Variants in PRKCB observed in about 807,000 individuals in gnomAD.
The protein encoded by PRKCB is protein kinase C beta, also known as protein kinase C beta type.
In PRKCB, 13 loss-of-function variants were observed where a neutral mutation model predicts 81.5. The observed-to-expected ratio is 0.16, with a 90% CI of 0.10 to 0.25. The LOEUF (loss-of-function observed/expected upper bound fraction) is 0.25, where lower values mean the gene tolerates loss of function less well. Ranked by LOEUF, PRKCB falls within the 10% of genes least tolerant of loss-of-function variation. The pLI is 1.00. For synonymous variants in PRKCB, 335 were observed against 321.4 expected (o/e 1.04, Z -0.45); for missense variants, 509 against 875.7 (o/e 0.58, Z 5.29).
intron 3 of PRKCB, among the ~76,000 whole-genome samples, chr16:23,992,136 GA>G (rs1964893928): frequency 6.6e-6 from 1 of 152,212 alleles, no homozygotes; most frequent in South Asian, 2.1e-4. Flanking sequence ...ACTGGAGACC[GA>G]ATCTTCCAGT....
At chr16:24,122,395 C>G (rs1225094460) in intron 8 of PRKCB, among the ~76,000 whole-genome samples, 1 of 149,076 alleles carries the variant, frequency 6.7e-6, no homozygotes, top group Non-Finnish European at 1.5e-5. Flanking sequence ...TATGACTTAA[C>G]TGATGTATTC....
chr16:24,186,169 G>A (rs893974838), intron 15 of PRKCB, among the ~76,000 whole-genome samples: 1 of 152,142 alleles, frequency 6.6e-6, no homozygotes, highest in East Asian at 1.9e-4. Context: ...AGCAGGATGT[G>A]TGTTTATGGG....
chr16:23,876,027 A>G (rs74012480), intron 2 of PRKCB, among the ~76,000 whole-genome samples: 2,183 of 152,266 alleles, frequency 0.014, 41 homozygotes, highest in African/African-American at 0.05. Context: ...GCCGGGCCCC[A>G]TAGGCGTTTA....
At chr16:24,074,459 T>G (rs1013160871) in intron 5 of PRKCB, among the ~76,000 whole-genome samples, 3 of 152,220 alleles carry the variant, frequency 2.0e-5, no homozygotes, top group Admixed American at 6.5e-5. Flanking sequence ...CTTGTAAGGA[T>G]TCAATGAGAT....
intron 2 of PRKCB, among the ~76,000 whole-genome samples, chr16:23,841,035 G>A (rs1962254488): frequency 6.6e-6 from 1 of 152,078 alleles, no homozygotes; most frequent in African/African-American, 2.4e-5. Context: ...CCTTTGACAA[G>A]CAAGGCAGAT....
chr16:24,134,145 G>T (rs541224860), intron 9 of PRKCB, among the ~76,000 whole-genome samples: 1 of 152,222 alleles, frequency 6.6e-6, no homozygotes, highest in Admixed American at 6.5e-5. Flanking sequence ...GAATCCTCCT[G>T]CCTTGACCTC....
At chr16:24,200,066 G>A (rs564356424) in intron 16 of PRKCB, among the ~76,000 whole-genome samples, 5 of 152,184 alleles carry the variant, frequency 3.3e-5, no homozygotes, top group East Asian at 1.9e-4. Context: ...TTTATAATTC[G>A]TTGTCAGGAT....
At position 24,219,967 on chromosome 16, in the gene PRKCB, A is replaced by C. The variant is rs1194130408; in HGVS notation, c.*5151A>C. 6.2e-7 allele frequency: 1 copy of C among 1,613,890 alleles called. No individual in the cohort carries two copies. The highest frequency in any genetic ancestry group is 8.5e-7 in the Non-Finnish European group (1 of 1,179,984). ...TTTACTTTCCATTTGGCAGAGAGACAAGAGAGACACCTCCAACTTCGACAA... is the reference window on the plus strand; with the variant it reads ...TTTACTTTCCATTTGGCAGAGAGACCAGAGAGACACCTCCAACTTCGACAA... On this transcript the variant is annotated 3_prime_UTR_variant, in exon 17 of 17. Transcript: ENST00000643927.
intron 9 of PRKCB, among the ~76,000 whole-genome samples, chr16:24,131,991 C>A (rs1483102212): frequency 6.6e-6 from 1 of 152,168 alleles, no homozygotes; most frequent in Non-Finnish European, 1.5e-5. Flanking sequence ...ATATCCTTTC[C>A]TTCAAATAAG....
At chr16:24,206,124 C>T (rs888697509) in intron 16 of PRKCB, among the ~76,000 whole-genome samples, 3 of 152,178 alleles carry the variant, frequency 2.0e-5, no homozygotes, top group Non-Finnish European at 4.4e-5. Context: ...TAAAAGATCC[C>T]TGATTGTAAG....
chr16:24,009,591 A>ATTT (rs143129853), intron 3 of PRKCB, among the ~76,000 whole-genome samples: 3,731 of 148,184 alleles, frequency 0.025, 161 homozygotes, highest in African/African-American at 0.086. Context: ...CGCCCGGCCT[A>ATTT]TTTTTTTTTT....
chr16:24,132,399 T>G (rs1400094786), intron 9 of PRKCB, among the ~76,000 whole-genome samples: 1 of 152,240 alleles, frequency 6.6e-6, no homozygotes, highest in African/African-American at 2.4e-5. Flanking sequence ...GATTCATTCA[T>G]TCAAGAAGTA....
chr16:24,055,467 G>C (rs1342566927), intron 5 of PRKCB, among the ~76,000 whole-genome samples: 3 of 152,194 alleles, frequency 2.0e-5, no homozygotes, highest in Non-Finnish European at 2.9e-5. Context: ...CTTTCACGTC[G>C]GCTTCTCTGG....
At chr16:24,130,691 C>T (rs1017358250) in intron 9 of PRKCB, among the ~76,000 whole-genome samples, 4 of 152,196 alleles carry the variant, frequency 2.6e-5, no homozygotes, top group South Asian at 2.1e-4. Flanking sequence ...AGGTGTCTTT[C>T]GTCCTGTATG....
chr16:24,003,325 A>G (rs1020511927), intron 3 of PRKCB, among the ~76,000 whole-genome samples: 1 of 151,610 alleles, frequency 6.6e-6, no homozygotes, highest in Non-Finnish European at 1.5e-5. Context: ...AAACATCGTT[A>G]CAGTTGACCC....
chr16:23,839,743 CCTT>C (rs1483057736), intron 2 of PRKCB, among the ~76,000 whole-genome samples: 1 of 152,204 alleles, frequency 6.6e-6, no homozygotes, highest in African/African-American at 2.4e-5. Context: ...ATTTCAGCCT[CCTT>C]GTCTATAAAA....
intron 2 of PRKCB, among the ~76,000 whole-genome samples, chr16:23,845,456 T>G (rs1962351715): frequency 6.6e-6 from 1 of 152,074 alleles, no homozygotes; most frequent in Non-Finnish European, 1.5e-5. Flanking sequence ...GCTAAAAATC[T>G]GTATTGTAAA....
At chr16:24,029,959 T>G (rs1965531172) in intron 3 of PRKCB, among the ~76,000 whole-genome samples, 2 of 152,160 alleles carry the variant, frequency 1.3e-5, no homozygotes, top group South Asian at 4.1e-4. Flanking sequence ...AGTGCAGTGA[T>G]GCAATCATAG....
At chr16:24,035,007 T>A (rs1965595728) in intron 4 of PRKCB, among the ~76,000 whole-genome samples, 2 of 152,150 alleles carry the variant, frequency 1.3e-5, no homozygotes. Flanking sequence ...CCTGCATACG[T>A]TGAGAAATGG....
Sources: allele counts gnomAD v4.1 joint callset (sites outside exome capture counted in the v4.1 genomes callset), GRCh38; gene constraint gnomAD v4.1.1; transcripts MANE v1.5; gene names NCBI Gene and HGNC (gene_info 2026-07-23, HGNC 2026-07-21).